Variants in AK8 observed in about 807,000 individuals in gnomAD.
AK8 encodes the protein ATP-AMP transphosphorylase 8.
A neutral mutation model predicts 54.6 loss-of-function variants in AK8; 44 were observed. The observed-to-expected ratio is 0.81, with a 90% confidence interval of 0.63 to 1.04. The LOEUF (loss-of-function observed/expected upper bound fraction) is 1.04, where lower values mean the gene tolerates loss of function less well. Among genes scored for constraint, AK8 ranks in the 50% least tolerant of loss-of-function variants. AK8 has a pLI of 0.00. For missense variants in AK8, 555 were observed against 613.6 expected, an observed-to-expected ratio of 0.90 and a Z score of 1.01; for synonymous variants, 239 against 245.6, an observed-to-expected ratio of 0.97 and a Z score of 0.25.
At chr9:132,761,767 C>T (rs2131054971) in intron 11 of AK8, among the ~76,000 whole-genome samples, 1 of 151,758 alleles carries the variant, frequency 6.6e-6, no homozygotes. Flanking sequence ...TTCTTTCTTT[C>T]CTTTCTTTCT....
intron 11 of AK8, among the ~76,000 whole-genome samples, chr9:132,757,570 GA>G (rs1316318925): frequency 6.6e-6 from 1 of 152,126 alleles, no homozygotes; most frequent in East Asian, 1.9e-4. Context: ...CTACCTGACT[GA>G]CCCTCACAGC....
At chr9:132,846,960 G>T (rs1842777295) in intron 5 of AK8, among the ~76,000 whole-genome samples, 1 of 152,246 alleles carries the variant, frequency 6.6e-6, no homozygotes, top group Non-Finnish European at 1.5e-5. Context: ...TCAGACGCAT[G>T]CTCCATTCAG....
intron 11 of AK8, among the ~76,000 whole-genome samples, chr9:132,772,285 G>A (rs1839016270): frequency 6.6e-6 from 1 of 152,208 alleles, no homozygotes; most frequent in South Asian, 2.1e-4. Context: ...TGTTGTTAGG[G>A]TTGAATTGTG....
At chr9:132,744,920 A>G (rs1837565738) in intron 11 of AK8, among the ~76,000 whole-genome samples, 1 of 152,224 alleles carries the variant, frequency 6.6e-6, no homozygotes, top group Non-Finnish European at 1.5e-5. Flanking sequence ...TGATGTTTAA[A>G]GACGGTTGAC....
chr9:132,754,800 G>GT (rs1239318902), intron 11 of AK8, among the ~76,000 whole-genome samples: 5,208 of 139,308 alleles, frequency 0.037, 323 homozygotes, highest in East Asian at 0.31. Context: ...TTGTTTTTTG[G>GT]TTTTTTTTTT....
intron 2 of AK8, among the ~76,000 whole-genome samples, chr9:132,871,835 T>C (rs1843851246): frequency 6.6e-6 from 1 of 152,258 alleles, no homozygotes; most frequent in South Asian, 2.1e-4. Context: ...CCAGCCAACA[T>C]CAACTGCACT....
At position 132,866,903 on chromosome 9, in the gene AK8, C is replaced by A; in HGVS notation, c.219+1G>T. ...CACAACACTTAATATGATACACTTA[C>A]TATTGTTGTTTTCCCTGAGGCGGGT... On this transcript the variant is annotated splice_donor_variant, in intron 3 of 12. Coordinates refer to ENST00000298545, the MANE Select transcript of AK8 (RefSeq NM_152572.3). LOFTEE classifies it high-confidence loss of function. 6.2e-7 allele frequency: 1 copy of A among 1,613,694 alleles called. No individual in the cohort carries two copies. The highest frequency in any genetic ancestry group is 8.5e-7 in the Non-Finnish European group (1 of 1,179,632).
At chr9:132,806,018 G>C (rs1840707287) in intron 10 of AK8, among the ~76,000 whole-genome samples, 1 of 151,882 alleles carries the variant, frequency 6.6e-6, no homozygotes, top group Non-Finnish European at 1.5e-5. Context: ...AAGGGACAGA[G>C]GCCAACACAC....
At chr9:132,802,705 G>A (rs1419353266) in intron 10 of AK8, among the ~76,000 whole-genome samples, 2 of 152,128 alleles carry the variant, frequency 1.3e-5, no homozygotes, top group East Asian at 1.9e-4. Flanking sequence ...TCAAGCTGAC[G>A]CCAGAACTGA....
At chr9:132,840,406 TCACACACACACACACACA>T (rs55856402) in intron 5 of AK8, among the ~76,000 whole-genome samples, 16 of 143,042 alleles carry the variant, frequency 1.1e-4, no homozygotes, top group Admixed American at 6.3e-4. Flanking sequence ...AAGTGGACAC[TCACACACACACACACACA>T]CACACACACA....
intron 11 of AK8, among the ~76,000 whole-genome samples, chr9:132,780,438 G>A (rs1012972564): frequency 2.0e-5 from 3 of 152,146 alleles, no homozygotes; most frequent in Non-Finnish European, 4.4e-5. Flanking sequence ...AAATGTCTGT[G>A]TGGAAGGTCT....
intron 8 of AK8, among the ~76,000 whole-genome samples, chr9:132,825,976 A>C (rs1841851518): frequency 6.6e-6 from 1 of 152,204 alleles, no homozygotes; most frequent in Non-Finnish European, 1.5e-5. Context: ...ACTTTTGAAA[A>C]GGATAATACA....
chr9:132,746,773 G>A (rs924778935), intron 11 of AK8, among the ~76,000 whole-genome samples: 10 of 152,070 alleles, frequency 6.6e-5, no homozygotes, highest in Non-Finnish European at 1.3e-4. Context: ...AGGAACCCCC[G>A]GGCCACACGT....
rs147595420 is a variant in AK8 at position 132,734,151 on chromosome 9, G to C, written c.1122-6617C>G. ...GACCCGTGCTTCCAAGATTTGTCTG[G>C]TGTTGAGAATTATCTGGAAGGCTTG... On this transcript the variant is annotated intron_variant, in intron 11 of 12. Transcript: ENST00000298545. 7.8e-3 allele frequency among the ~76,000 whole-genome samples: 1,188 copies of C among 152,324 alleles called. 5 individuals are homozygous for C. Among genetic ancestry groups the C allele is most frequent in the Non-Finnish European group, 0.012 (844 of 68,032 alleles).
At chr9:132,747,494 C>G (rs1837707727) in intron 11 of AK8, among the ~76,000 whole-genome samples, 1 of 150,268 alleles carries the variant, frequency 6.7e-6, no homozygotes, top group Admixed American at 6.7e-5. Context: ...GTCACACAGG[C>G]TGGAGTGCAG....
Position 132,729,314 on chromosome 9 carries a change from G to A in AK8, c.1122-1780C>T, listed in dbSNP as rs142069365. Among the ~76,000 whole-genome samples, 655 of 152,292 alleles carry A rather than the reference G, an allele frequency of 4.3e-3. 4 individuals are homozygous for A. The highest frequency in any genetic ancestry group is 0.041 in the Middle Eastern group (12 of 294). On this transcript the variant is annotated intron_variant, in intron 11 of 12. Transcript: ENST00000298545. ...GTGATGCTGGAAAGCACCTTATAAT[G>A]TACAGGACAGCACCCACCTCAAATA...
intron 8 of AK8, among the ~76,000 whole-genome samples, chr9:132,825,160 A>G (rs1337668671): frequency 6.6e-6 from 1 of 152,240 alleles, no homozygotes; most frequent in African/African-American, 2.4e-5. Flanking sequence ...TACAGTAAAT[A>G]ACTAAGTTAA....
chr9:132,764,800 T>C (rs1220991970), intron 11 of AK8, among the ~76,000 whole-genome samples: 1 of 152,186 alleles, frequency 6.6e-6, no homozygotes, highest in Non-Finnish European at 1.5e-5. Context: ...CCTAATACCA[T>C]TTCTTCTCAA....
chr9:132,755,488 C>A (rs1204527961), intron 11 of AK8, among the ~76,000 whole-genome samples: 1 of 152,222 alleles, frequency 6.6e-6, no homozygotes, highest in African/African-American at 2.4e-5. Context: ...AGGGAAGCTC[C>A]TGGGAGAGGG....
Sources: allele counts gnomAD v4.1 joint callset (sites outside exome capture counted in the v4.1 genomes callset), GRCh38; gene constraint gnomAD v4.1.1; transcripts MANE v1.5; gene names NCBI Gene and HGNC (gene_info 2026-07-23, HGNC 2026-07-21).